XKR6: variants seen among roughly 807,000 people sequenced by gnomAD.
The protein encoded by XKR6 is XK related 6, also known as XK-related protein 6.
Under a neutral mutation model 56.7 loss-of-function variants are expected in XKR6, and 22 were observed. The ratio of observed to expected loss-of-function variants is 0.39; its 90% CI spans 0.28 to 0.55. The LOEUF is 0.55. Among genes scored for constraint, XKR6 ranks in the 20% least tolerant of loss-of-function variants. The pLI is 0.66. For missense variants in XKR6, 852 were observed against 889.0 expected (o/e 0.96, Z 0.53); for synonymous variants, 524 against 387.8 (o/e 1.35, Z -4.13).
intron 1 of XKR6, among the ~76,000 whole-genome samples, chr8:11,008,899 A>G (rs573657444): frequency 4.6e-5 from 7 of 152,110 alleles, no homozygotes; most frequent in South Asian, 4.1e-4. Context: ...CCTGGGTCCC[A>G]TCACCCTCTA....
At chr8:11,166,132 T>C (rs1404734121) in intron 1 of XKR6, among the ~76,000 whole-genome samples, 1 of 152,218 alleles carries the variant, frequency 6.6e-6, no homozygotes, top group African/African-American at 2.4e-5. Flanking sequence ...AATTTTTGTA[T>C]TTTTTGCAGA....
chr8:10,953,298 G>A (rs939582861), intron 1 of XKR6, among the ~76,000 whole-genome samples: 7 of 152,162 alleles, frequency 4.6e-5, no homozygotes, highest in Admixed American at 2.0e-4. Context: ...CCTCGAGAGA[G>A]TGAGTGAATT....
At chr8:10,914,686 C>A (rs1400883235) in intron 2 of XKR6, among the ~76,000 whole-genome samples, 3 of 152,298 alleles carry the variant, frequency 2.0e-5, no homozygotes, top group African/African-American at 7.2e-5. Flanking sequence ...CCTAGCTCAG[C>A]TGACTTGTGA....
At chr8:11,184,781 C>T (rs949845999) in intron 1 of XKR6, among the ~76,000 whole-genome samples, 29 of 152,136 alleles carry the variant, frequency 1.9e-4, no homozygotes, top group African/African-American at 6.8e-4. Flanking sequence ...ATCAACCCGC[C>T]TCAGCCTCCC....
chr8:10,908,001 C>T (rs1462893742), intron 2 of XKR6, among the ~76,000 whole-genome samples: 3 of 152,320 alleles, frequency 2.0e-5, no homozygotes, highest in East Asian at 1.9e-4. Context: ...TGTTTCCCTC[C>T]GCGTGGCTTC....
intron 1 of XKR6, among the ~76,000 whole-genome samples, chr8:10,927,572 G>A (rs928412557): frequency 6.6e-6 from 1 of 152,114 alleles, no homozygotes; most frequent in African/African-American, 2.4e-5. Context: ...TAATGCCAGT[G>A]CTCAGGTTCA....
chr8:11,013,585 C>T (rs1371722505), intron 1 of XKR6, among the ~76,000 whole-genome samples: 2 of 152,108 alleles, frequency 1.3e-5, no homozygotes, highest in Non-Finnish European at 2.9e-5. Flanking sequence ...ATATAATACG[C>T]CCCCTTTTTA....
At chr8:11,026,518 A>G (rs1798868557) in intron 1 of XKR6, among the ~76,000 whole-genome samples, 1 of 150,200 alleles carries the variant, frequency 6.7e-6, no homozygotes, top group Non-Finnish European at 1.5e-5. Flanking sequence ...ACACACTTAG[A>G]TGGTCTAGCC....
chr8:11,163,696 CACTG>C (rs1292709719), intron 1 of XKR6, among the ~76,000 whole-genome samples: 22 of 152,348 alleles, frequency 1.4e-4, no homozygotes, highest in Non-Finnish European at 1.5e-5. Flanking sequence ...ATTTCTACCG[CACTG>C]ACTTTGTGCT....
At chr8:10,928,022 C>T (rs760843765) in intron 1 of XKR6, among the ~76,000 whole-genome samples, 2 of 152,190 alleles carry the variant, frequency 1.3e-5, no homozygotes, top group Non-Finnish European at 2.9e-5. Flanking sequence ...CTGCTCCCGG[C>T]TCGGTCCCTC....
chr8:11,056,180 T>C (rs1302300836), intron 1 of XKR6, among the ~76,000 whole-genome samples: 3 of 152,198 alleles, frequency 2.0e-5, no homozygotes, highest in African/African-American at 7.2e-5. Context: ...TCCGGAGGCG[T>C]CCTGCTGCGC....
At chr8:11,195,536 C>T (rs1239121700) in intron 1 of XKR6, among the ~76,000 whole-genome samples, 2 of 152,170 alleles carry the variant, frequency 1.3e-5, no homozygotes, top group African/African-American at 4.8e-5. Flanking sequence ...ACATCCACTT[C>T]CTGATCAGGT....
At chr8:11,029,238 C>G (rs1200231855) in intron 1 of XKR6, among the ~76,000 whole-genome samples, 4 of 152,320 alleles carry the variant, frequency 2.6e-5, no homozygotes, top group Non-Finnish European at 4.4e-5. Flanking sequence ...CACACCCAAC[C>G]TGGTCTTGTG....
rs1193512460 is a variant in XKR6 at position 10,898,583 on chromosome 8, T to G, written c.1295A>C (p.Asn432Thr). ...VGIVYIFCWFNVKEGRTRYRM... is the reference protein window; with the variant it reads ...VGIVYIFCWFTVKEGRTRYRM... ...ATATCGAGTCCGCCCTTCCTTGACG[T>G]TAAACCAGCAGAAAATGTACACGAT... Residue 432 changes from asparagine (N) to threonine (T), a missense_variant, in exon 3 of 3, where the codon AAC becomes ACC. Transcript: ENST00000416569. The surrounding 1 kb of genome is among the most constrained non-coding windows in gnomAD (Gnocchi z 6.6). 1 of 1,614,040 alleles carries G rather than the reference T, an allele frequency of 6.2e-7. No individual in the cohort carries two copies. Among genetic ancestry groups the G allele is most frequent in the South Asian group, 1.1e-5 (1 of 91,042 alleles).
At chr8:10,979,742 GC>G (rs1232145771) in intron 1 of XKR6, among the ~76,000 whole-genome samples, 1 of 152,198 alleles carries the variant, frequency 6.6e-6, no homozygotes, top group African/African-American at 2.4e-5. Flanking sequence ...GTTCCCTGTG[GC>G]TACTTGGACC....
At chr8:10,915,394 C>T (rs956763628) in intron 2 of XKR6, among the ~76,000 whole-genome samples, 1 of 152,230 alleles carries the variant, frequency 6.6e-6, no homozygotes. Context: ...AGGAAGCCTG[C>T]GCTCATGTCT....
intron 1 of XKR6, among the ~76,000 whole-genome samples, chr8:11,107,572 G>C (rs1158656982): frequency 6.6e-6 from 1 of 152,178 alleles, no homozygotes; most frequent in Non-Finnish European, 1.5e-5. Flanking sequence ...AGAGAATGCA[G>C]ATCTGGGCAC....
At chr8:11,125,053 C>T (rs1586580514) in intron 1 of XKR6, among the ~76,000 whole-genome samples, 1 of 145,306 alleles carries the variant, frequency 6.9e-6, no homozygotes, top group African/African-American at 2.6e-5. Flanking sequence ...CACGCCACTG[C>T]ACTCCAGCAT....
At position 11,200,827 on chromosome 8, in the gene XKR6, C is replaced by T. The variant is rs760576828; in HGVS notation, c.513G>A (p.Val171=). 1.1e-5 allele frequency: 17 copies of T among 1,611,838 alleles called. No homozygotes were observed. Among genetic ancestry groups the T allele is most frequent in the Non-Finnish European group, 1.3e-5 (15 of 1,179,514 alleles). ...YFGLTLFFVL[V]PSLLVQSLSF... is the part of the protein sequence containing the mutation. ...TCAGGCTCTGCACCAGCAGCGACGG[C>T]ACCAGCACGAAGAAGAGGGTCAGCC... The change falls in exon 1 of 3, where the codon GTG becomes GTA. Residue 171 remains valine, a synonymous_variant. Coordinates refer to ENST00000416569, the MANE Select transcript of XKR6 (RefSeq NM_173683.4). The surrounding 1 kb of genome is among the most constrained non-coding windows in gnomAD (Gnocchi z 6.4).
Sources: gnomAD v4.1 joint callset for allele counts (sites outside exome capture counted in the v4.1 genomes callset) on GRCh38, gnomAD v4.1.1 for gene constraint, Gnocchi (gnomAD v3.1) non-coding constraint, MANE v1.5 for transcripts, NCBI Gene and HGNC (gene_info 2026-07-23, HGNC 2026-07-21) for gene names.